LRP8: variants seen among roughly 807,000 people sequenced by gnomAD.
The protein encoded by LRP8 is LDL receptor related protein 8.
Under a neutral mutation model 111.6 loss-of-function variants are expected in LRP8, and 46 were observed. That is an observed-to-expected ratio of 0.41 (90% CI 0.33 to 0.53). The LOEUF (loss-of-function observed/expected upper bound fraction) is 0.53. Ranked by LOEUF, LRP8 falls within the 20% of genes least tolerant of loss-of-function variation. LRP8 has a pLI of 0.20. For synonymous variants in LRP8, 464 were observed against 511.2 expected, an observed-to-expected ratio of 0.91 and a Z score of 1.24; for missense variants, 959 against 1,297.4, an observed-to-expected ratio of 0.74 and a Z score of 4.01.
intron 2 of LRP8, among the ~76,000 whole-genome samples, chr1:53,301,772 T>C (rs1267504736): frequency 6.6e-6 from 1 of 151,162 alleles, no homozygotes; most frequent in Non-Finnish European, 1.5e-5. Flanking sequence ...GTCATGTAGC[T>C]TGAGGCAGGA....
rs1646359309 is a variant in LRP8, at chr1:53,262,060, G to A, written c.1914+8C>T. 6.2e-7 allele frequency: 1 copy of A among 1,614,090 alleles called. No individual in the cohort carries two copies. The highest frequency in any genetic ancestry group is 8.5e-7 in the Non-Finnish European group (1 of 1,179,978). ...TAGTGGGCCCTTGCCTCTCCTTACA[G>A]GACTCACCTCAAACACAGCTATCCC... On this transcript the variant is annotated splice_region_variant and intron_variant, in intron 12 of 18. Transcript: ENST00000306052. This position sits in a 1 kb window ranked among gnomAD's most constrained non-coding sequence, Gnocchi z 4.8.
chr1:53,313,439 C>T (rs1316634820), intron 2 of LRP8, among the ~76,000 whole-genome samples: 1 of 152,234 alleles, frequency 6.6e-6, no homozygotes, highest in African/African-American at 2.4e-5. Context: ...CCTTCCTCCA[C>T]CGTCCTCCAC....
rs1006879709 is a variant in LRP8, at chr1:53,245,015, A to T, written c.*2003T>A. ...TCAGGACTATCAACACATGCATGTC[A>T]TGAGGAGATTGCTGGATTATGCAAA... On this transcript the variant is annotated 3_prime_UTR_variant, in exon 19 of 19. Coordinates refer to ENST00000306052, the MANE Select transcript of LRP8 (RefSeq NM_004631.5). 4.6e-5 allele frequency: 7 copies of T among 152,234 alleles called. No homozygotes were observed. The allele number at this position is 152,234 out of a possible 1,614,324, so 9.4% of individuals were successfully genotyped here. A position where few individuals can be genotyped will look rare whatever the true frequency, so the allele number is the denominator to read the frequency against.
chr1:53,256,043 C>G (rs745349974), intron 15 of LRP8, among the ~76,000 whole-genome samples: 25 of 152,192 alleles, frequency 1.6e-4, no homozygotes, highest in Non-Finnish European at 2.9e-4. Context: ...AAAAACTATG[C>G]CATGCCATCT....
intron 16 of LRP8, among the ~76,000 whole-genome samples, chr1:53,251,605 T>C (rs1298065863): frequency 6.7e-6 from 1 of 150,148 alleles, no homozygotes; most frequent in Non-Finnish European, 1.5e-5. Flanking sequence ...CTATCTAGGA[T>C]GCTATGGAAG....
At chr1:53,305,423 C>G (rs1345527038) in intron 2 of LRP8, 1 of 152,262 alleles carries the variant, frequency 6.6e-6, no homozygotes, top group Non-Finnish European at 1.5e-5. Flanking sequence ...GCTTTGTACA[C>G]AGTGAGTCCT....
intron 2 of LRP8, among the ~76,000 whole-genome samples, chr1:53,307,712 CCT>C (rs1557851561): frequency 1.3e-5 from 2 of 152,220 alleles, no homozygotes; most frequent in African/African-American, 4.8e-5. Context: ...GATTTTCTTG[CCT>C]CTCCCATGAC....
chr1:53,325,486 A>G (rs182669046), intron 2 of LRP8, among the ~76,000 whole-genome samples: 27 of 152,360 alleles, frequency 1.8e-4, no homozygotes, highest in South Asian at 1.0e-3. Context: ...AAACAGTCCA[A>G]TGATGTTGCT....
In LRP8 at chr1:53,300,180, C is replaced by T. The variant is rs188711748; in HGVS notation, c.245-10491G>A. Among the ~76,000 whole-genome samples, 123 of 152,358 alleles carry T rather than the reference C, an allele frequency of 8.1e-4. 1 individual carries two copies. The highest frequency in any genetic ancestry group is 2.6e-3 in the African/African-American group (110 of 41,588). ...GCTCTGGCCCATCCCTGGCCATCAC[C>T]TGCCTCCAGTAACCACTCAATGGTT... On this transcript the variant is annotated intron_variant, in intron 2 of 18. Transcript: ENST00000306052.
At chr1:53,302,229 G>A (rs1651047641) in intron 2 of LRP8, among the ~76,000 whole-genome samples, 1 of 152,214 alleles carries the variant, frequency 6.6e-6, no homozygotes, top group African/African-American at 2.4e-5. Context: ...TCTGAAAGCA[G>A]ATGGAGAAGG....
chr1:53,264,015 G>A (rs1368971598), intron 10 of LRP8, among the ~76,000 whole-genome samples, 154 bp downstream of exon 10: 3 of 152,158 alleles, frequency 2.0e-5, no homozygotes, highest in East Asian at 3.9e-4. Context: ...AATGCCCAGA[G>A]AACCTTGGTT....
rs1430027817 is a variant in LRP8, at chr1:53,279,254, G to C, written c.496+1333C>G. On this transcript the variant is annotated intron_variant, in intron 4 of 18. Transcript: ENST00000306052. The surrounding 1 kb of genome is among the most constrained non-coding windows in gnomAD (Gnocchi z 4.4). ...GAGGGGTGGGAGGACTCTTTCCTCT[G>C]CCTAGGAGGGTGGAAGCTATAGCAT... 1.3e-5 allele frequency among the ~76,000 whole-genome samples: 2 copies of C among 152,060 alleles called. No individual in the cohort carries two copies. The highest frequency in any genetic ancestry group is 2.9e-5 in the Non-Finnish European group (2 of 67,996).
intron 2 of LRP8, among the ~76,000 whole-genome samples, chr1:53,314,260 A>G (rs1653499991): frequency 6.6e-6 from 1 of 150,918 alleles, no homozygotes; most frequent in Non-Finnish European, 1.5e-5. Flanking sequence ...CTTTGCCTCC[A>G]GGCACGGCAT....
chr1:53,257,177 C>G (rs1646125032), intron 15 of LRP8, 63 bp downstream of exon 15: 1 of 1,484,768 alleles, frequency 6.7e-7, no homozygotes, highest in Non-Finnish European at 9.3e-7. Context: ...ATCACATACC[C>G]CCTTCCTGGC....
chr1:53,269,939 A>G (rs1646708998), intron 8 of LRP8, among the ~76,000 whole-genome samples: 1 of 152,180 alleles, frequency 6.6e-6, no homozygotes, highest in Non-Finnish European at 1.5e-5. Context: ...TGCTGGCTGA[A>G]TTGATCAATG....
intron 12 of LRP8, 140 bp from the exon 13 acceptor site, chr1:53,260,745 G>T: frequency 1.3e-6 from 1 of 770,232 alleles, no homozygotes; most frequent in Non-Finnish European, 2.1e-6. Flanking sequence ...TTCACGGTGG[G>T]GCTCTCAGCC....
In LRP8 at chr1:53,327,896, G is replaced by A. The variant is rs771522895; in HGVS notation, c.17C>T (p.Pro6Leu). 2.1e-6 allele frequency: 3 copies of A among 1,457,136 alleles called. No homozygotes were observed. Among genetic ancestry groups the A allele is most frequent in the Admixed American group, 2.2e-5 (1 of 44,678 alleles). The allele number at this position is 1,457,136 out of a possible 1,614,324, so 90.3% of individuals were successfully genotyped here. ...CAGCGCCAGAAGCCGGAGAGGGCCC[G>A]GCTCGGGGAGGCCCATGGCGGGCCC... Reference protein sequence around the residue: MGLPEPGPLRLLALLL... With the variant: MGLPELGPLRLLALLL... Residue 6 changes from proline to leucine, a missense_variant, in exon 1 of 19, where the codon CCG (proline) becomes CTG (leucine). This residue lies in a region of LRP8 where 97 missense variants were observed against 107.5 expected (regional missense o/e 0.90). Coordinates refer to ENST00000306052, the MANE Select transcript of LRP8 (RefSeq NM_004631.5).
intron 18 of LRP8, among the ~76,000 whole-genome samples, chr1:53,248,039 G>A (rs1290830962): frequency 6.6e-6 from 1 of 152,174 alleles, no homozygotes; most frequent in Non-Finnish European, 1.5e-5. Flanking sequence ...AATGGGAATA[G>A]TAACAGGACC....
In LRP8 at chr1:53,249,258, C is replaced by T. The variant is rs1188236778; in HGVS notation, c.2853+122G>A. 1.9e-5 allele frequency: 20 copies of T among 1,074,998 alleles called. No homozygotes were observed. Among genetic ancestry groups the T allele is most frequent in the Non-Finnish European group, 2.7e-5 (20 of 746,600 alleles). The allele number at this position is 1,074,998 out of a possible 1,614,324, so 66.6% of individuals were successfully genotyped here. A position where few individuals can be genotyped will look rare whatever the true frequency, so the allele number is the denominator to read the frequency against. On this transcript the variant is annotated intron_variant, in intron 18 of 18. Transcript: ENST00000306052. This position sits in a 1 kb window ranked among gnomAD's most constrained non-coding sequence, Gnocchi z 4.1. ...GACTAACCCATTTTTCTTCTTTGCC[C>T]CAACACCCAGCTTACAATTTGCAGC... is the stretch of plus-strand genomic sequence containing the variant.
Sources: gnomAD v4.1 joint callset for allele counts (sites outside exome capture counted in the v4.1 genomes callset) on GRCh38, gnomAD v4.1.1 for gene constraint, gnomAD v4.1.1 regional missense constraint, Gnocchi (gnomAD v3.1) non-coding constraint, MANE v1.5 for transcripts, NCBI Gene and HGNC (gene_info 2026-07-23, HGNC 2026-07-21) for gene names.